Variants in CELF2 observed in about 807,000 individuals in gnomAD.
CELF2 encodes CUGBP Elav-like family member 2.
In CELF2, 8 loss-of-function variants were observed where a neutral mutation model predicts 62.6. That is an observed-to-expected ratio of 0.13 (90% CI 0.07 to 0.23). The LOEUF (loss-of-function observed/expected upper bound fraction) is 0.23. Among genes scored for constraint, CELF2 ranks in the 10% least tolerant of loss-of-function variants. The pLI is 1.00. For missense variants in CELF2, 333 were observed against 671.0 expected (o/e 0.50, Z 5.56); for synonymous variants, 258 against 250.0 (o/e 1.03, Z -0.30).
At chr10:10,581,208 C>T in the CELF2 span, among the ~76,000 whole-genome samples, 3,900 of 152,220 alleles carry the variant, frequency 0.026, 158 homozygotes, top group African/African-American at 0.089. Flanking sequence ...AGATGTGGTC[C>T]TATTCATTCA....
chr10:10,989,216 A>G (rs1467113542), intron 2 of CELF2, among the ~76,000 whole-genome samples: 1 of 152,168 alleles, frequency 6.6e-6, no homozygotes. Flanking sequence ...AACAAATACC[A>G]ATAAAAATTT....
chr10:11,204,548 G>C (rs1263826554), intron 2 of CELF2, among the ~76,000 whole-genome samples: 1 of 152,236 alleles, frequency 6.6e-6, no homozygotes, highest in East Asian at 1.9e-4. Context: ...GCCTTGTCGG[G>C]GGCCGGTGGG....
the CELF2 span, among the ~76,000 whole-genome samples, chr10:10,649,333 T>A: frequency 6.6e-6 from 1 of 152,184 alleles, no homozygotes; most frequent in Admixed American, 6.5e-5. Flanking sequence ...TGTAATTAGA[T>A]AGCGGGCTGG....
At chr10:10,791,021 T>C in the CELF2 span, among the ~76,000 whole-genome samples, 5 of 152,292 alleles carry the variant, frequency 3.3e-5, no homozygotes, top group South Asian at 1.0e-3. Context: ...TCAGAGATTG[T>C]TATGAGTATT....
rs992677843 is a variant in CELF2 at position 11,224,190 on chromosome 10, A to G, written c.354+6683A>G. ...TGGCCTCAGAACCCAGTGGAAGGCA[A>G]TGTTTAGTTTTGCAAACAACGTAGT... On this transcript the variant is annotated intron_variant, in intron 3 of 12. Coordinates refer to ENST00000633077, the MANE Select transcript of CELF2 (RefSeq NM_001326342.2). The surrounding 1 kb of genome is among the most constrained non-coding windows in gnomAD (Gnocchi z 4.5). Among the ~76,000 whole-genome samples the G allele has an allele frequency of 1.3e-5, 2 of 152,238 alleles. No homozygotes were observed. Among genetic ancestry groups the G allele is most frequent in the Non-Finnish European group, 2.9e-5 (2 of 68,034 alleles).
chr10:10,518,373 G>A, the CELF2 span, among the ~76,000 whole-genome samples: 1 of 152,192 alleles, frequency 6.6e-6, no homozygotes, highest in Admixed American at 6.5e-5. Flanking sequence ...CGCTGAAATG[G>A]TGATAAAGGA....
At chr10:10,762,494 C>T in the CELF2 span, among the ~76,000 whole-genome samples, 1 of 152,164 alleles carries the variant, frequency 6.6e-6, no homozygotes, top group Non-Finnish European at 1.5e-5. Context: ...TTAATAGAGA[C>T]ACCCAGGGTC....
the CELF2 span, among the ~76,000 whole-genome samples, chr10:10,741,461 T>G: frequency 8.3e-6 from 1 of 119,904 alleles, no homozygotes; most frequent in Non-Finnish European, 1.6e-5. Flanking sequence ...GCCACTGCAC[T>G]CCAGCCTGGC....
At chr10:10,537,367 G>GC in the CELF2 span, among the ~76,000 whole-genome samples, 1 of 152,170 alleles carries the variant, frequency 6.6e-6, no homozygotes. Context: ...TCAACAATGT[G>GC]AAGAATCCAA....
chr10:10,716,870 A>ACCC, the CELF2 span, among the ~76,000 whole-genome samples: 1 of 152,208 alleles, frequency 6.6e-6, no homozygotes, highest in Admixed American at 6.5e-5. Context: ...TTTGTGCCTA[A>ACCC]ATTTCATGAC....
rs1358985816 is a variant in CELF2, at chr10:11,285,701, A to G, written c.842-2717A>G. 6.6e-6 allele frequency among the ~76,000 whole-genome samples: 1 copy of G among 152,156 alleles called. No individual in the cohort carries two copies. Among genetic ancestry groups the G allele is most frequent in the Non-Finnish European group, 1.5e-5 (1 of 68,024 alleles). On this transcript the variant is annotated intron_variant, in intron 8 of 12. Coordinates refer to ENST00000633077, the MANE Select transcript of CELF2 (RefSeq NM_001326342.2). This position sits in a 1 kb window ranked among gnomAD's most constrained non-coding sequence, Gnocchi z 4.3. Reference sequence around the variant, plus strand: ...CAAAGAACTAATAAATAATGGGGAAAACTAAAACCTTGGCTAGCTCTGTAC... The same window carrying G: ...CAAAGAACTAATAAATAATGGGGAAGACTAAAACCTTGGCTAGCTCTGTAC...
chr10:10,543,925 C>T, the CELF2 span, among the ~76,000 whole-genome samples: 3 of 152,294 alleles, frequency 2.0e-5, no homozygotes, highest in African/African-American at 4.8e-5. Context: ...GAAATGCATG[C>T]GCCCCTAATG....
At position 11,270,668 on chromosome 10, in the gene CELF2, C is replaced by T. The variant is rs1247643749; in HGVS notation, c.621C>T (p.Gly207=). 6.8e-7 allele frequency: 1 copy of T among 1,471,882 alleles called. No individual in the cohort carries two copies. The highest frequency in any genetic ancestry group is 9.1e-7 in the Non-Finnish European group (1 of 1,102,554). 91.2% of individuals were successfully genotyped at this position (1,471,882 alleles called of 1,614,324 possible). ...KAMHQSQTME[G]CSSPIVVKFA... ...CTTTCCAATGTGTCTGACCACAGGG[C>T]TGCTCTTCACCTATCGTGGTGAAGT... is the stretch of plus-strand genomic sequence containing the variant. The change falls in exon 7 of 13, where the codon GGC becomes GGT. Residue 207 remains glycine, a splice_region_variant and synonymous_variant. Coordinates refer to ENST00000633077, the MANE Select transcript of CELF2 (RefSeq NM_001326342.2). This position sits in a 1 kb window ranked among gnomAD's most constrained non-coding sequence, Gnocchi z 5.8.
chr10:10,629,984 C>T, the CELF2 span, among the ~76,000 whole-genome samples: 2 of 151,068 alleles, frequency 1.3e-5, no homozygotes, highest in Admixed American at 6.6e-5. Context: ...AAAATTTGTA[C>T]CTCCTATTAT....
At chr10:10,663,790 T>C in the CELF2 span, among the ~76,000 whole-genome samples, 1 of 152,216 alleles carries the variant, frequency 6.6e-6, no homozygotes, top group East Asian at 1.9e-4. Flanking sequence ...AACAGAAATA[T>C]TATTACATTT....
intron 1 of CELF2, among the ~76,000 whole-genome samples, chr10:10,821,451 G>A (rs1041802110): frequency 2.6e-5 from 4 of 152,298 alleles, no homozygotes; most frequent in African/African-American, 7.2e-5. Flanking sequence ...CCTGCCATGT[G>A]TATTTAATTA....
intron 1 of CELF2, among the ~76,000 whole-genome samples, chr10:11,035,958 A>G (rs2060881385): frequency 1.3e-5 from 2 of 152,246 alleles, no homozygotes; most frequent in African/African-American, 4.8e-5. Flanking sequence ...AAGCAAAGCA[A>G]TGTTTGTGAT....
intron 1 of CELF2, among the ~76,000 whole-genome samples, chr10:11,029,108 C>G (rs1205357258): frequency 6.6e-6 from 1 of 152,090 alleles, no homozygotes; most frequent in Non-Finnish European, 1.5e-5. Flanking sequence ...CCGCAGAATG[C>G]CTGGAGGATG....
At chr10:11,271,717 C>CTG (rs3064843) in intron 7 of CELF2, among the ~76,000 whole-genome samples, 9,795 of 150,920 alleles carry the variant, frequency 0.065, 437 homozygotes, top group African/African-American at 0.13. Context: ...GAGGGTGTCT[C>CTG]TGTGTGTGTG....
Sources: allele counts gnomAD v4.1 joint callset (sites outside exome capture counted in the v4.1 genomes callset), GRCh38; gene constraint gnomAD v4.1.1; non-coding constraint Gnocchi (gnomAD v3.1); transcripts MANE v1.5; gene names NCBI Gene and HGNC (gene_info 2026-07-23, HGNC 2026-07-21).